Variants in NAT10 observed in about 807,000 individuals in gnomAD.
NAT10 encodes N-acetyltransferase 10.
Under a neutral mutation model 132.2 loss-of-function variants are expected in NAT10, and 109 were observed. The ratio of observed to expected loss-of-function variants is 0.82; its 90% CI spans 0.71 to 0.97. NAT10 has a LOEUF of 0.97. Ranked by LOEUF, NAT10 falls within the 50% of genes least tolerant of loss-of-function variation. The probability of loss-of-function intolerance (pLI) is 0.00; values close to 1 mark genes in which losing one functional copy is unlikely to be tolerated. For synonymous variants in NAT10, 479 were observed against 478.0 expected (o/e 1.00, Z -0.03); for missense variants, 1,184 against 1,263.4 (o/e 0.94, Z 0.95).
chr11:34,140,397 C>T lies in NAT10; in HGVS notation c.2420-3C>T, dbSNP rs373903748. On this transcript the variant is annotated splice_polypyrimidine_tract_variant and splice_region_variant and intron_variant, in intron 23 of 28. Transcript: ENST00000257829. The stretch of plus-strand genomic sequence containing the variant: ...CCTGTCTAGCTCTCTATCCCATGGA[C>T]AGCCCTGAGCCGGGAGGAGCTGGAA... The T allele has an allele frequency of 5.6e-6, 9 of 1,611,738 alleles. No individual in the cohort carries two copies. Among genetic ancestry groups the T allele is most frequent in the African/African-American group, 5.3e-5 (4 of 74,884 alleles).
chr11:34,108,887 TA>T, intron 3 of NAT10, 54 bp downstream of exon 3: 1 of 1,486,716 alleles, frequency 6.7e-7, no homozygotes, highest in Non-Finnish European at 9.2e-7. Flanking sequence ...GCTCATTAGT[TA>T]AATGCCAGGA....
rs969094019 is a variant in NAT10 at position 34,146,882 on chromosome 11, T to C, written c.*690T>C. On this transcript the variant is annotated 3_prime_UTR_variant, in exon 29 of 29. Transcript: ENST00000257829. Reference sequence around the variant, plus strand: ...GGTGAGGGGAAGGATAGAGAATCTATTTTTAATAAATAACATTCTAGAAAG... The same window carrying C: ...GGTGAGGGGAAGGATAGAGAATCTACTTTTAATAAATAACATTCTAGAAAG... 1 of 152,272 alleles carries C rather than the reference T, an allele frequency of 6.6e-6. No individual in the cohort carries two copies. Among genetic ancestry groups the C allele is most frequent in the Non-Finnish European group, 1.5e-5 (1 of 68,062 alleles). The allele number at this position is 152,272 out of a possible 1,614,324, so 9.4% of individuals were successfully genotyped here. A position where few individuals can be genotyped will look rare whatever the true frequency, so the allele number is the denominator to read the frequency against.
At chr11:34,131,266 A>G in intron 13 of NAT10, 115 bp from the exon 14 acceptor site, 1 of 1,392,058 alleles carries the variant, frequency 7.2e-7, no homozygotes, top group Non-Finnish European at 9.6e-7. Flanking sequence ...AATTCTTACC[A>G]CACGTCTCTG....
chr11:34,117,103 C>T (rs766683283), intron 6 of NAT10, among the ~76,000 whole-genome samples: 2 of 152,126 alleles, frequency 1.3e-5, no homozygotes, highest in African/African-American at 2.4e-5. Context: ...ACACCTATAC[C>T]GTTTTTTCCT....
intron 5 of NAT10, among the ~76,000 whole-genome samples, 174 bp from the exon 6 acceptor site, chr11:34,115,649 T>G (rs1320009535): frequency 6.6e-6 from 1 of 152,264 alleles, no homozygotes; most frequent in Non-Finnish European, 1.5e-5. Context: ...CAACGTTGCA[T>G]TCAGTGTCTG....
intron 8 of NAT10, among the ~76,000 whole-genome samples, chr11:34,120,738 G>A (rs1000252234): frequency 2.6e-5 from 4 of 152,218 alleles, no homozygotes; most frequent in African/African-American, 9.7e-5. Context: ...TAAAAGACAT[G>A]AGCAGACCAT....
chr11:34,130,977 A>C, intron 13 of NAT10, 40 bp downstream of exon 13: 1 of 1,609,890 alleles, frequency 6.2e-7, no homozygotes, highest in South Asian at 1.1e-5. Flanking sequence ...GTTCACAGCA[A>C]GGCCCTTCAG....
chr11:34,145,188 T>C (rs1359218669), intron 28 of NAT10, among the ~76,000 whole-genome samples: 1 of 152,246 alleles, frequency 6.6e-6, no homozygotes, highest in East Asian at 1.9e-4. Context: ...CTGCAGAGCT[T>C]GGCCTTTCCT....
intron 28 of NAT10, among the ~76,000 whole-genome samples, chr11:34,143,920 C>G (rs1281521258): frequency 2.6e-5 from 4 of 152,204 alleles, no homozygotes; most frequent in African/African-American, 9.7e-5. Context: ...TAACAAGGCT[C>G]TCAGGGGTTA....
Position 34,108,249 on chromosome 11 carries a change from C to T in NAT10, c.24C>T (p.Asn8=), listed in dbSNP as rs748833226. Residue 8 remains asparagine (N), a synonymous_variant, in exon 2 of 29, where the codon AAC becomes AAT. Coordinates refer to ENST00000257829, the MANE Select transcript of NAT10 (RefSeq NM_024662.3). ...CCATGCATCGGAAAAAGGTGGATAA[C>T]CGAATCCGGATTCTCATTGAGAATG... The part of the protein sequence containing the change: MHRKKVD[N]RIRILIENGV... 3.1e-6 allele frequency: 5 copies of T among 1,614,096 alleles called. No individual in the cohort carries two copies. The highest frequency in any genetic ancestry group is 4.2e-6 in the Non-Finnish European group (5 of 1,179,976).
intron 6 of NAT10, 137 bp downstream of exon 6, chr11:34,116,021 A>G (rs1851777543): frequency 1.0e-5 from 8 of 781,820 alleles, no homozygotes; most frequent in Non-Finnish European, 1.6e-5. Context: ...TCTTGACAGC[A>G]GCAGCAGTTG....
Position 34,142,390 on chromosome 11 carries a change from G to C in NAT10, c.2885+42G>C, listed in dbSNP as rs746479509. On this transcript the variant is annotated intron_variant, in intron 27 of 28. Coordinates refer to ENST00000257829, the MANE Select transcript of NAT10 (RefSeq NM_024662.3). ...GCAGAGGGTTTGCCTTGGCTTCTGGGGCCCTAAGAATCTGCCTACACGTTT... is the reference window on the plus strand; with the variant it reads ...GCAGAGGGTTTGCCTTGGCTTCTGGCGCCCTAAGAATCTGCCTACACGTTT... 20 of 1,576,160 alleles carry C rather than the reference G, an allele frequency of 1.3e-5. No homozygotes were observed. The Admixed American group carries it at 2.0e-4, about 16-fold the overall frequency.
At chr11:34,126,339 C>T (rs186408114) in intron 11 of NAT10, among the ~76,000 whole-genome samples, 15 of 152,278 alleles carry the variant, frequency 9.9e-5, no homozygotes, top group Admixed American at 5.9e-4. Context: ...ATGTTTACTA[C>T]GTAATTATCT....
At chr11:34,119,351 C>A (rs1471075079) in intron 8 of NAT10, among the ~76,000 whole-genome samples, 1 of 152,216 alleles carries the variant, frequency 6.6e-6, no homozygotes, top group Non-Finnish European at 1.5e-5. Context: ...AAGATAGCTG[C>A]AGTGACACCT....
At chr11:34,105,994 T>C (rs1342638632) in intron 1 of NAT10, 1 of 152,434 alleles carries the variant, frequency 6.6e-6, no homozygotes, top group Non-Finnish European at 1.5e-5. Context: ...CGGCGCGTGC[T>C]TCTCGAGCGT....
Position 34,143,459 on chromosome 11 carries a change from G to C in NAT10, c.2900G>C (p.Gly967Ala). The change falls in exon 28 of 29, where the codon GGG becomes GCG. Residue 967 changes from glycine (G) to alanine (A), a missense_variant. Transcript: ENST00000257829. The stretch of plus-strand genomic sequence containing the variant: ...CTTTTTTTTAGATACATAATCCGTG[G>C]GGACGATGAAGAGTGGAATGAAGTT... ...SMDLSEYIIRGDDEEWNEVLN... is the reference protein window; with the variant it reads ...SMDLSEYIIRADDEEWNEVLN... 2 of 1,613,994 alleles carry C rather than the reference G, an allele frequency of 1.2e-6. No homozygotes were observed. The highest frequency in any genetic ancestry group is 1.7e-6 in the Non-Finnish European group (2 of 1,179,954).
chr11:34,138,334 G>A (rs1025241241), intron 21 of NAT10, among the ~76,000 whole-genome samples: 1 of 152,166 alleles, frequency 6.6e-6, no homozygotes, highest in Non-Finnish European at 1.5e-5. Context: ...GAGTGCTTCT[G>A]TCTTCCCAGA....
chr11:34,125,490 T>A (rs903497978), intron 11 of NAT10, among the ~76,000 whole-genome samples: 1 of 152,244 alleles, frequency 6.6e-6, no homozygotes, highest in Non-Finnish European at 1.5e-5. Context: ...TCCATTTGTG[T>A]ACCTTTCAGG....
chr11:34,136,806 C>G, intron 20 of NAT10, 31 bp downstream of exon 20: 2 of 1,614,046 alleles, frequency 1.2e-6, no homozygotes, highest in Non-Finnish European at 1.7e-6. Context: ...CACGGCATCA[C>G]TCCTTGGCAT....
Sources: allele counts gnomAD v4.1 joint callset (sites outside exome capture counted in the v4.1 genomes callset), GRCh38; gene constraint gnomAD v4.1.1; transcripts MANE v1.5; gene names NCBI Gene and HGNC (gene_info 2026-07-23, HGNC 2026-07-21).